The following CACNG4 variants were observed in gnomAD, a reference collection of about 807,000 sequenced individuals.
CACNG4 encodes the protein voltage-dependent calcium channel gamma-4 subunit.
A neutral mutation model predicts 22.9 loss-of-function variants in CACNG4; 8 were observed. The observed-to-expected ratio is 0.35, with a 90% confidence interval of 0.21 to 0.63. The LOEUF is 0.63. Among genes scored for constraint, CACNG4 ranks in the 30% least tolerant of loss-of-function variants. CACNG4 has a pLI of 0.72. For synonymous variants in CACNG4, 188 were observed against 191.9 expected, an observed-to-expected ratio of 0.98 and a Z score of 0.17; for missense variants, 357 against 455.4, an observed-to-expected ratio of 0.78 and a Z score of 1.97.
chr17:66,996,935 A>G (rs1281014869), intron 1 of CACNG4, among the ~76,000 whole-genome samples: 1 of 152,142 alleles, frequency 6.6e-6, no homozygotes, highest in South Asian at 2.1e-4. Context: ...TAAGGGGACG[A>G]GGGCAGGACA....
intron 1 of CACNG4, among the ~76,000 whole-genome samples, chr17:66,977,058 G>T (rs969582699): frequency 6.6e-6 from 1 of 152,004 alleles, no homozygotes; most frequent in Non-Finnish European, 1.5e-5. Context: ...CTCCACCTCC[G>T]ACACACGCCC....
chr17:67,019,123 C>A (rs944369793), intron 2 of CACNG4, among the ~76,000 whole-genome samples: 2 of 152,244 alleles, frequency 1.3e-5, no homozygotes. Context: ...GGGGCTCAGA[C>A]CCAGCCTTGT....
intron 1 of CACNG4, 26 bp downstream of exon 1, chr17:66,965,157 G>T: frequency 1.9e-6 from 2 of 1,073,898 alleles, no homozygotes; most frequent in South Asian, 1.4e-5. Flanking sequence ...ACCCCTCGCC[G>T]CCCCACACAC....
chr17:67,022,093 T>TA (rs2035535662), intron 2 of CACNG4, among the ~76,000 whole-genome samples: 1 of 151,344 alleles, frequency 6.6e-6, no homozygotes, highest in African/African-American at 2.4e-5. Context: ...TTTTTTTTTT[T>TA]AAGACGGAGT....
At position 67,024,877 on chromosome 17, in the gene CACNG4, A is replaced by C; in HGVS notation, c.322A>C (p.Ser108Arg). ...CCGGCCAGGCATCGTGCGAGCCTCCAGCGTCTTCCCCATCCTCAGCACCAT... is the reference window on the plus strand; with the variant it reads ...CCGGCCAGGCATCGTGCGAGCCTCCCGCGTCTTCCCCATCCTCAGCACCAT... ...EYLLRIVRAS[S>R]VFPILSTILL... Residue 108 changes from serine (S) to arginine (R), a missense_variant, in exon 3 of 4, where the codon AGC becomes CGC. By Grantham distance (110) the Ser-to-Arg change is moderately radical. Coordinates refer to ENST00000262138, the MANE Select transcript of CACNG4 (RefSeq NM_014405.4). 6.3e-7 allele frequency: 1 copy of C among 1,575,116 alleles called. No individual in the cohort carries two copies. The highest frequency in any genetic ancestry group is 8.6e-7 in the Non-Finnish European group (1 of 1,162,606).
At chr17:67,018,725 A>C (rs73339187) in intron 2 of CACNG4, among the ~76,000 whole-genome samples, 2,590 of 152,214 alleles carry the variant, frequency 0.017, 78 homozygotes, top group African/African-American at 0.059. Context: ...GTCTTGAAAA[A>C]TCAGATACAG....
chr17:67,020,433 C>G (rs146144336), intron 2 of CACNG4, among the ~76,000 whole-genome samples: 1 of 152,206 alleles, frequency 6.6e-6, no homozygotes, highest in Non-Finnish European at 1.5e-5. Flanking sequence ...CTTAAGCGTA[C>G]GCTGTGGGGA....
At position 66,998,415 on chromosome 17, in the gene CACNG4, G is replaced by T. The variant is rs553130637; in HGVS notation, c.221-19774G>T. On this transcript the variant is annotated intron_variant, in intron 1 of 3. Coordinates refer to ENST00000262138, the MANE Select transcript of CACNG4 (RefSeq NM_014405.4). ...TAAATTTGCTTTTTGTAGAGATGGGGTCTCACTCAAACTCCTGAACTCAAG... is the reference window on the plus strand; with the variant it reads ...TAAATTTGCTTTTTGTAGAGATGGGTTCTCACTCAAACTCCTGAACTCAAG... Among the ~76,000 whole-genome samples, 23 of 152,174 alleles carry T rather than the reference G, an allele frequency of 1.5e-4. No homozygotes were observed. The South Asian group carries it at 4.8e-3, about 32-fold the overall frequency.
intron 1 of CACNG4, among the ~76,000 whole-genome samples, chr17:66,997,732 G>C (rs542789095): frequency 2.0e-4 from 31 of 152,230 alleles, no homozygotes; most frequent in East Asian, 1.4e-3. Flanking sequence ...CAGGAGGATC[G>C]CTTGAGCCTG....
At chr17:66,969,412 A>G (rs2035190654) in intron 1 of CACNG4, among the ~76,000 whole-genome samples, 1 of 152,186 alleles carries the variant, frequency 6.6e-6, no homozygotes, top group South Asian at 2.1e-4. Context: ...TTAATATAGC[A>G]GACTTGATGC....
chr17:67,017,170 A>G (rs4516270), intron 1 of CACNG4, among the ~76,000 whole-genome samples: 74,677 of 151,784 alleles, frequency 0.49, 21,514 homozygotes, highest in African/African-American at 0.8. Context: ...TCCACCTCCC[A>G]GGCTCAAGTG....
chr17:66,987,345 C>T (rs925061365), intron 1 of CACNG4, among the ~76,000 whole-genome samples: 1 of 152,194 alleles, frequency 6.6e-6, no homozygotes, highest in Admixed American at 6.5e-5. Flanking sequence ...AACATATCAC[C>T]CTTATCCTCT....
At chr17:67,011,146 G>T (rs2035465542) in intron 1 of CACNG4, among the ~76,000 whole-genome samples, 1 of 152,182 alleles carries the variant, frequency 6.6e-6, no homozygotes, top group South Asian at 2.1e-4. Flanking sequence ...TTGCCTGGAC[G>T]CTTGGCCCAG....
At chr17:66,993,563 G>C (rs972034388) in intron 1 of CACNG4, among the ~76,000 whole-genome samples, 1 of 152,160 alleles carries the variant, frequency 6.6e-6, no homozygotes, top group Non-Finnish European at 1.5e-5. Context: ...ACACAAGGGG[G>C]CTCACCCAGG....
intron 1 of CACNG4, among the ~76,000 whole-genome samples, chr17:66,988,057 A>G (rs530131064): frequency 1.4e-3 from 205 of 144,206 alleles, no homozygotes; most frequent in South Asian, 2.6e-3. Flanking sequence ...GTGTGTGTAT[A>G]TATATATATA....
chr17:66,986,779 G>A (rs573502598), intron 1 of CACNG4, among the ~76,000 whole-genome samples: 2 of 152,252 alleles, frequency 1.3e-5, no homozygotes, highest in Admixed American at 6.5e-5. Flanking sequence ...TTCACATGGC[G>A]TTTTCCCTGG....
intron 1 of CACNG4, among the ~76,000 whole-genome samples, chr17:67,006,461 G>A (rs771975317): frequency 6.2e-4 from 95 of 152,124 alleles, no homozygotes; most frequent in Non-Finnish European, 1.1e-3. Context: ...TACTGTCTCC[G>A]TCACCTCCCC....
chr17:66,976,120 C>T (rs2035234536), intron 1 of CACNG4, among the ~76,000 whole-genome samples: 1 of 152,146 alleles, frequency 6.6e-6, no homozygotes. Flanking sequence ...GGTGACCTCC[C>T]AGTGTCTCAG....
chr17:67,025,005 G>A lies in CACNG4; in HGVS notation c.445+5G>A. On this transcript the variant is annotated splice_donor_5th_base_variant and intron_variant, in intron 3 of 3. Coordinates refer to ENST00000262138, the MANE Select transcript of CACNG4 (RefSeq NM_014405.4). ...GCATCCTCTTCGTGGCTGCAGGTGA[G>A]CCGCCCGCCCGGGCTGGTGCTGGGC... 6.3e-7 allele frequency: 1 copy of A among 1,583,746 alleles called. No homozygotes were observed. The highest frequency in any genetic ancestry group is 8.6e-7 in the Non-Finnish European group (1 of 1,168,186).
Sources: gnomAD v4.1 joint callset for allele counts (sites outside exome capture counted in the v4.1 genomes callset) on GRCh38, gnomAD v4.1.1 for gene constraint, MANE v1.5 for transcripts, NCBI Gene and HGNC (gene_info 2026-07-23, HGNC 2026-07-21) for gene names.